The following NSUN6 variants were observed in gnomAD, a reference collection of about 807,000 sequenced individuals.
The protein encoded by NSUN6 is NOP2/Sun RNA methyltransferase 6.
In NSUN6, 64 loss-of-function variants were observed where a neutral mutation model predicts 58.0. The ratio of observed to expected loss-of-function variants is 1.10; its 90% confidence interval spans 0.90 to 1.36. The LOEUF (loss-of-function observed/expected upper bound fraction) is 1.36, where lower values mean the gene tolerates loss of function less well. Ranked by LOEUF, NSUN6 falls within the 40% of genes most tolerant of loss-of-function variation. The pLI is 0.00. For synonymous variants in NSUN6, 231 were observed against 193.9 expected, an observed-to-expected ratio of 1.19 and a Z score of -1.59; for missense variants, 701 against 550.1, an observed-to-expected ratio of 1.27 and a Z score of -2.74.
intron 8 of NSUN6, among the ~76,000 whole-genome samples, chr10:18,555,222 A>C (rs967670278): frequency 6.7e-6 from 1 of 148,302 alleles, no homozygotes; most frequent in Non-Finnish European, 1.5e-5. Flanking sequence ...GGAATGGAGG[A>C]TGAAATGGAA....
intron 7 of NSUN6, among the ~76,000 whole-genome samples, chr10:18,591,638 A>T (rs2057381633): frequency 6.6e-6 from 1 of 152,220 alleles, no homozygotes; most frequent in Admixed American, 6.5e-5. Context: ...ATCTCAATAG[A>T]TACAGAAAAG....
intron 8 of NSUN6, among the ~76,000 whole-genome samples, chr10:18,558,696 C>A (rs12570360): frequency 0.34 from 45,039 of 132,298 alleles, 7,894 homozygotes; most frequent in East Asian, 0.72. Flanking sequence ...AATGGAATGG[C>A]GGAAGGAATG....
At chr10:18,604,497 T>G (rs2057971822) in intron 6 of NSUN6, among the ~76,000 whole-genome samples, 1 of 152,138 alleles carries the variant, frequency 6.6e-6, no homozygotes. Context: ...GGGAACTTGT[T>G]AGAAATACAG....
chr10:18,634,489 C>T (rs1007431407), intron 3 of NSUN6, among the ~76,000 whole-genome samples: 2 of 151,946 alleles, frequency 1.3e-5, no homozygotes, highest in Non-Finnish European at 2.9e-5. Context: ...TGGTGGCTCA[C>T]GCCTATAATC....
Position 18,651,247 on chromosome 10 carries a change from C to G in NSUN6, c.-44G>C, listed in dbSNP as rs1238165201. ...CTCCACCAAGAGAAATGCTGGAAAA[C>G]GGTGTTTTGTTTTTTTTTTTCTTTC... On this transcript the variant is annotated 5_prime_UTR_variant, in exon 1 of 11. Transcript: ENST00000377304. 2.0e-6 allele frequency: 3 copies of G among 1,498,828 alleles called. No homozygotes were observed. The highest frequency in any genetic ancestry group is 2.7e-6 in the Non-Finnish European group (3 of 1,129,396). The allele number at this position is 1,498,828 out of a possible 1,614,324, so 92.8% of individuals were successfully genotyped here. A position where few individuals can be genotyped will look rare whatever the true frequency, so the allele number is the denominator to read the frequency against.
chr10:18,641,103 C>A (rs1406575307), intron 3 of NSUN6, among the ~76,000 whole-genome samples: 1 of 152,060 alleles, frequency 6.6e-6, no homozygotes, highest in African/African-American at 2.4e-5. Flanking sequence ...TCATAAACAT[C>A]TTCTCTGATT....
Position 18,627,760 on chromosome 10 carries a change from C to T in NSUN6, c.312-11467G>A, listed in dbSNP as rs570622469. ...ATCCCGCGGCTCGGAGGGTCCTACG[C>T]CCACGGAGTCTCGCTGATTGCTAAC... On this transcript the variant is annotated intron_variant, in intron 3 of 10. Transcript: ENST00000377304. Among the ~76,000 whole-genome samples, 33 of 152,390 alleles carry T rather than the reference C, an allele frequency of 2.2e-4. 1 individual carries two copies. In the South Asian group the frequency reaches 6.0e-3, roughly 28 times the overall value.
At chr10:18,548,286 A>G (rs900811159) in intron 9 of NSUN6, 49 bp from the exon 10 acceptor site, 4 of 1,519,152 alleles carry the variant, frequency 2.6e-6, no homozygotes, top group African/African-American at 2.8e-5. Flanking sequence ...CCAGATAAAC[A>G]TATGAATGAA....
intron 3 of NSUN6, among the ~76,000 whole-genome samples, chr10:18,626,811 G>A (rs1013628577): frequency 2.6e-5 from 4 of 152,192 alleles, no homozygotes; most frequent in African/African-American, 7.2e-5. Flanking sequence ...GGCTGAAAGA[G>A]AAGACAAATC....
chr10:18,629,858 C>T (rs1299283869), intron 3 of NSUN6, among the ~76,000 whole-genome samples: 8 of 148,550 alleles, frequency 5.4e-5, no homozygotes, highest in Admixed American at 3.4e-4. Flanking sequence ...GACAGAAAGT[C>T]AACAAGGATA....
chr10:18,588,151 G>A (rs1184455001), intron 7 of NSUN6, among the ~76,000 whole-genome samples: 1 of 152,206 alleles, frequency 6.6e-6, no homozygotes, highest in Non-Finnish European at 1.5e-5. Context: ...GAGACTGGGA[G>A]GTTTGGACTG....
intron 6 of NSUN6, among the ~76,000 whole-genome samples, chr10:18,600,863 G>A (rs1030466692): frequency 6.9e-6 from 1 of 145,774 alleles, no homozygotes; most frequent in African/African-American, 2.6e-5. Flanking sequence ...GGGAGGCGAA[G>A]GTTGCAGTGA....
chr10:18,546,618 C>T (rs2054278889), intron 10 of NSUN6, among the ~76,000 whole-genome samples: 1 of 152,162 alleles, frequency 6.6e-6, no homozygotes, highest in South Asian at 2.1e-4. Flanking sequence ...TGGCTCACAC[C>T]TATAATCCCA....
intron 7 of NSUN6, among the ~76,000 whole-genome samples, chr10:18,586,329 GT>G (rs1469497000): frequency 6.6e-6 from 1 of 152,116 alleles, no homozygotes; most frequent in African/African-American, 2.4e-5. Flanking sequence ...TGCGATGAGT[GT>G]TACAGTTCTT....
chr10:18,600,950 A>ATATG, intron 6 of NSUN6, among the ~76,000 whole-genome samples: 1 of 97,394 alleles, frequency 1.0e-5, no homozygotes, highest in South Asian at 3.3e-4. Flanking sequence ...AAATATATAT[A>ATATG]TATATATATA....
intron 8 of NSUN6, among the ~76,000 whole-genome samples, chr10:18,557,791 T>G (rs142516723): frequency 2.9e-5 from 4 of 138,912 alleles, no homozygotes; most frequent in Non-Finnish European, 3.2e-5. Context: ...ATGGAATGGA[T>G]AATGGAAGGG....
At chr10:18,573,182 C>T (rs2056473174) in intron 8 of NSUN6, among the ~76,000 whole-genome samples, 1 of 150,682 alleles carries the variant, frequency 6.6e-6, no homozygotes, top group Non-Finnish European at 1.5e-5. Context: ...GTCCATTCCA[C>T]TGCATTCTCC....
At chr10:18,647,799 A>G (rs1240665977) in intron 2 of NSUN6, among the ~76,000 whole-genome samples, 1 of 143,178 alleles carries the variant, frequency 7.0e-6, no homozygotes, top group Non-Finnish European at 1.5e-5. Flanking sequence ...CAGTCATGCA[A>G]TTTCGGCTCA....
At chr10:18,628,791 A>G (rs1405374412) in intron 3 of NSUN6, among the ~76,000 whole-genome samples, 1 of 152,220 alleles carries the variant, frequency 6.6e-6, no homozygotes, top group African/African-American at 2.4e-5. Context: ...GTGTACCAGA[A>G]AGTGACGGGG....
Sources: gnomAD v4.1 joint callset for allele counts (sites outside exome capture counted in the v4.1 genomes callset) on GRCh38, gnomAD v4.1.1 for gene constraint, MANE v1.5 for transcripts, NCBI Gene and HGNC (gene_info 2026-07-23, HGNC 2026-07-21) for gene names.